DDX10: variants seen among roughly 807,000 people sequenced by gnomAD.
DDX10 encodes DEAD-box helicase 10.
A neutral mutation model predicts 104.3 loss-of-function variants in DDX10; 74 were observed. The ratio of observed to expected loss-of-function variants is 0.71; its 90% CI spans 0.59 to 0.86. The LOEUF (loss-of-function observed/expected upper bound fraction) is 0.86, where lower values mean the gene tolerates loss of function less well. DDX10 is among the 40% of genes least tolerant of loss of function. The pLI, the probability that DDX10 is intolerant of heterozygous loss-of-function variation, is 0.00. For missense variants in DDX10, 952 were observed against 1,040.0 expected (o/e 0.92, Z 1.16); for synonymous variants, 351 against 353.4 (o/e 0.99, Z 0.08).
intron 9 of DDX10, among the ~76,000 whole-genome samples, chr11:108,694,980 A>T (rs1258182560): frequency 6.6e-6 from 1 of 152,226 alleles, no homozygotes. Flanking sequence ...AAAAAGGATT[A>T]CACAATCTGT....
rs760268439 is a variant in DDX10, at chr11:108,678,339, A to T, written c.562A>T (p.Ile188Phe). 12 of 1,612,028 alleles carry T rather than the reference A, an allele frequency of 7.4e-6. No homozygotes were observed. Among genetic ancestry groups the T allele is most frequent in the Non-Finnish European group, 1.0e-5 (12 of 1,179,352 alleles). ...GGATCTAAAACACGAAGCTGAGAGG[A>T]TCAACAACATAAATATACTCGTGTG... The part of the protein sequence containing the change: ...GKDLKHEAER[I>F]NNINILVCTP... The change falls in exon 5 of 18, where the codon ATC becomes TTC. Residue 188 changes from isoleucine to phenylalanine, a missense_variant. By Grantham distance (21) the Ile-to-Phe change is conservative. This residue lies in a region of DDX10 where 412 missense variants were observed against 479.2 expected (regional missense o/e 0.86). Coordinates refer to ENST00000322536, the MANE Select transcript of DDX10 (RefSeq NM_004398.4).
intron 16 of DDX10, among the ~76,000 whole-genome samples, chr11:108,877,396 T>C (rs1363589197): frequency 6.6e-6 from 1 of 152,172 alleles, no homozygotes; most frequent in Non-Finnish European, 1.5e-5. Flanking sequence ...CTTTTGGTTA[T>C]AGACAGCACG....
At chr11:108,752,755 A>G (rs1238270596) in intron 13 of DDX10, among the ~76,000 whole-genome samples, 1 of 152,158 alleles carries the variant, frequency 6.6e-6, no homozygotes, top group African/African-American at 2.4e-5. Context: ...GGATTTTTCC[A>G]ATACCAAACC....
chr11:108,681,076 TTC>T (rs1224125104), intron 6 of DDX10, among the ~76,000 whole-genome samples: 1 of 152,226 alleles, frequency 6.6e-6, no homozygotes, highest in African/African-American at 2.4e-5. Context: ...TTTTTCACTT[TTC>T]TCTTTTTTCT....
At chr11:108,801,956 A>AT (rs916928668) in intron 13 of DDX10, among the ~76,000 whole-genome samples, 12 of 150,992 alleles carry the variant, frequency 7.9e-5, no homozygotes, top group African/African-American at 1.7e-4. Flanking sequence ...CCTATTTGTA[A>AT]TTTTTTTTAA....
rs542919888 is a variant in DDX10, at chr11:108,797,284, G to A, written c.1966-41162G>A. Among the ~76,000 whole-genome samples the A allele has an allele frequency of 7.9e-5, 12 of 152,140 alleles. No homozygotes were observed. The South Asian group carries it at 2.3e-3, about 29-fold the overall frequency. ...CTTGACCTCATGATCCGTCTGCCTC[G>A]GCCTCCCAAAGTGTTGGGATTACAG... On this transcript the variant is annotated intron_variant, in intron 13 of 17. Transcript: ENST00000322536.
At chr11:108,894,769 C>T (rs1863418787) in intron 16 of DDX10, among the ~76,000 whole-genome samples, 1 of 151,926 alleles carries the variant, frequency 6.6e-6, no homozygotes, top group Non-Finnish European at 1.5e-5. Context: ...TAAAGGACAA[C>T]TATGTGACTT....
chr11:108,901,360 A>T (rs1163536873), intron 16 of DDX10, among the ~76,000 whole-genome samples: 2 of 152,178 alleles, frequency 1.3e-5, no homozygotes, highest in African/African-American at 4.8e-5. Flanking sequence ...CAATAAGCCC[A>T]TTGTTCTTTC....
At chr11:108,687,910 A>G (rs1253725893) in intron 6 of DDX10, among the ~76,000 whole-genome samples, 5 of 152,178 alleles carry the variant, frequency 3.3e-5, no homozygotes, top group South Asian at 2.1e-4. Context: ...ACAGACACAC[A>G]TGGGTGGGCA....
intron 13 of DDX10, among the ~76,000 whole-genome samples, chr11:108,837,382 C>G (rs535084224): frequency 9.9e-5 from 15 of 152,144 alleles, no homozygotes; most frequent in Middle Eastern, 3.4e-3. Flanking sequence ...GAGGATAATC[C>G]AAATCCTCAG....
At chr11:108,728,670 A>C (rs2094308286) in intron 13 of DDX10, among the ~76,000 whole-genome samples, 1 of 151,940 alleles carries the variant, frequency 6.6e-6, no homozygotes, top group South Asian at 2.1e-4. Context: ...GTATGCTACC[A>C]TGCCTGGGTA....
At chr11:108,693,918 T>G (rs1442622839) in intron 9 of DDX10, among the ~76,000 whole-genome samples, 1 of 152,220 alleles carries the variant, frequency 6.6e-6, no homozygotes, top group Admixed American at 6.5e-5. Flanking sequence ...TCACTTATCC[T>G]CAGGGGTTAT....
chr11:108,821,929 G>A (rs530265819), intron 13 of DDX10, among the ~76,000 whole-genome samples: 3 of 152,200 alleles, frequency 2.0e-5, no homozygotes, highest in South Asian at 4.1e-4. Flanking sequence ...CATGAAACAC[G>A]GATGAATCTT....
chr11:108,777,246 A>G (rs1479810545), intron 13 of DDX10, among the ~76,000 whole-genome samples: 1 of 152,114 alleles, frequency 6.6e-6, no homozygotes, highest in Non-Finnish European at 1.5e-5. Flanking sequence ...GTTTGATATA[A>G]ATTATCCTGC....
intron 13 of DDX10, among the ~76,000 whole-genome samples, chr11:108,795,071 G>C (rs369979948): frequency 6.6e-6 from 1 of 151,924 alleles, no homozygotes. Context: ...CATGTGATCC[G>C]CACACCTTGG....
Position 108,759,781 on chromosome 11 carries a change from CAG to C in DDX10, c.1965+36322_1965+36323del, listed in dbSNP as rs571359017. On this transcript the variant is annotated intron_variant, in intron 13 of 17. Transcript: ENST00000322536. ...TATGCATTACTTTAATCCAATAACT[CAG>C]AGTAGGATGTGGCAGTAAGATTTTT... Among the ~76,000 whole-genome samples, 205 of 151,904 alleles carry C rather than the reference CAG, an allele frequency of 1.3e-3. 2 individuals carry two copies. The highest frequency in any genetic ancestry group is 4.8e-3 in the African/African-American group (197 of 41,456).
intron 1 of DDX10, among the ~76,000 whole-genome samples, chr11:108,667,327 G>C (rs1295131475): frequency 2.0e-5 from 3 of 152,202 alleles, no homozygotes; most frequent in Non-Finnish European, 4.4e-5. Context: ...TTTGTCCTCT[G>C]TACTTCTGCT....
chr11:108,665,198 C>T lies in DDX10; in HGVS notation c.45C>T (p.Asp15=). 1 of 1,613,104 alleles carries T rather than the reference C, an allele frequency of 6.2e-7. No individual in the cohort carries two copies. The highest frequency in any genetic ancestry group is 8.5e-7 in the Non-Finnish European group (1 of 1,179,676). The change falls in exon 1 of 18, where the codon GAC becomes GAT. Residue 15 remains aspartate (D), a synonymous_variant. Coordinates refer to ENST00000322536, the MANE Select transcript of DDX10 (RefSeq NM_004398.4). ...ANSPGSGARP[D]PVRSFNRWKK... ...CTCCGGGTTCGGGAGCCCGACCCGA[C>T]CCGGTGCGGAGCTTCAATCGCTGGA...
intron 13 of DDX10, among the ~76,000 whole-genome samples, chr11:108,747,820 A>G (rs763413130): frequency 1.3e-5 from 2 of 152,158 alleles, no homozygotes; most frequent in African/African-American, 2.4e-5. Context: ...TGGAAACATT[A>G]TGACCCTAAA....
Sources: allele counts gnomAD v4.1 joint callset (sites outside exome capture counted in the v4.1 genomes callset), GRCh38; gene constraint gnomAD v4.1.1; regional missense constraint gnomAD v4.1.1; transcripts MANE v1.5; gene names NCBI Gene and HGNC (gene_info 2026-07-23, HGNC 2026-07-21).